Variants in RRP36 observed in about 807,000 individuals in gnomAD.
The protein encoded by RRP36 is ribosomal RNA processing protein 36 homolog.
RRP36 carries 44 observed loss-of-function variants against 39.8 expected under a neutral mutation model. The ratio of observed to expected loss-of-function variants is 1.10; its 90% confidence interval spans 0.87 to 1.42. The LOEUF is 1.42. Among genes scored for constraint, RRP36 ranks in the 40% most tolerant of loss-of-function variants. RRP36 has a pLI of 0.00. For synonymous variants in RRP36, 124 were observed against 123.1 expected, an observed-to-expected ratio of 1.01 and a Z score of -0.05; for missense variants, 316 against 322.4, an observed-to-expected ratio of 0.98 and a Z score of 0.15.
intron 3 of RRP36, among the ~76,000 whole-genome samples, chr6:43,025,758 C>G (rs1351225923): frequency 6.6e-6 from 1 of 151,684 alleles, no homozygotes; most frequent in Non-Finnish European, 1.5e-5. Context: ...AGTGAAACCC[C>G]GTCTCTACTA....
At chr6:43,022,781 G>A (rs1210883073) in intron 1 of RRP36, among the ~76,000 whole-genome samples, 1 of 151,598 alleles carries the variant, frequency 6.6e-6, no homozygotes, top group Non-Finnish European at 1.5e-5. Flanking sequence ...ACAGGCGCCC[G>A]CCACCACGCC....
At chr6:43,025,955 TGAG>T in intron 3 of RRP36, 79 bp from the exon 4 acceptor site, 8 of 1,021,810 alleles carry the variant, frequency 7.8e-6, no homozygotes, top group Non-Finnish European at 1.2e-5. Flanking sequence ...AAAAGAAAGA[TGAG>T]GAAGAGACAG....
chr6:43,021,847 C>G (rs1762719959), intron 1 of RRP36, 63 bp downstream of exon 1: 1 of 1,161,506 alleles, frequency 8.6e-7, no homozygotes, highest in Admixed American at 4.4e-5. Context: ...GGCCCTGAGC[C>G]TGCAGAGACG....
intron 2 of RRP36, 52 bp from the exon 3 acceptor site, chr6:43,025,211 G>A: frequency 6.2e-7 from 1 of 1,612,446 alleles, no homozygotes; most frequent in Non-Finnish European, 8.5e-7. Context: ...CAGGTGGGAA[G>A]CCTTTGACCA....
chr6:43,024,134 G>A (rs1762772135), intron 1 of RRP36, among the ~76,000 whole-genome samples: 2 of 152,124 alleles, frequency 1.3e-5, no homozygotes, highest in Non-Finnish European at 2.9e-5. Flanking sequence ...GATTACAGGC[G>A]TGAGCCACCA....
At chr6:43,026,182 T>C (rs1561863319) in intron 4 of RRP36, 41 bp downstream of exon 4, 2 of 1,479,024 alleles carry the variant, frequency 1.4e-6, no homozygotes, top group African/African-American at 2.8e-5. Flanking sequence ...TTTTGTGGGG[T>C]GGAAAATGAG....
intron 6 of RRP36, 151 bp from the exon 7 acceptor site, chr6:43,028,941 G>A: frequency 9.8e-7 from 1 of 1,022,634 alleles, no homozygotes; most frequent in Non-Finnish European, 1.4e-6. Context: ...TAACAGAGCA[G>A]GACTCCGTCT....
At chr6:43,025,164 T>C (rs1015895558) in intron 2 of RRP36, 32 bp downstream of exon 2, 3 of 1,613,444 alleles carry the variant, frequency 1.9e-6, no homozygotes, top group African/African-American at 2.7e-5. Flanking sequence ...AGTTGGAAGA[T>C]AACTGGGACC....
At chr6:43,024,379 C>T (rs1344187588) in intron 1 of RRP36, among the ~76,000 whole-genome samples, 1 of 152,042 alleles carries the variant, frequency 6.6e-6, no homozygotes, top group Non-Finnish European at 1.5e-5. Flanking sequence ...TGACAGGGGC[C>T]AGGTCACTTG....
chr6:43,027,311 A>T (rs760658458), intron 5 of RRP36, 49 bp from the exon 6 acceptor site: 7 of 1,609,614 alleles, frequency 4.3e-6, no homozygotes, highest in Non-Finnish European at 6.0e-6. Context: ...AGATATTCAC[A>T]GATCTGAACA....
chr6:43,029,128 A>T lies in RRP36; in HGVS notation c.680A>T (p.Lys227Met), dbSNP rs371459242. ...CAGTTGGCACTAGCTGAGAAGTTCA[A>T]GGAGCTGAAACGCAGCAAGAAATTG... ...QRQLALAEKF[K>M]ELKRSKKLEN... The change falls in exon 7 of 7, where the codon AAG becomes ATG. Residue 227 changes from lysine (K) to methionine (M), a missense_variant. Lys to Met is a moderately conservative substitution (Grantham distance 95). Coordinates refer to ENST00000244496, the MANE Select transcript of RRP36 (RefSeq NM_033112.4). The T allele has an allele frequency of 1.2e-6, 2 of 1,614,264 alleles. No homozygotes were observed. Among genetic ancestry groups the T allele is most frequent in the African/African-American group, 2.7e-5 (2 of 75,082 alleles).
chr6:43,027,533 AGAGTC>A, intron 6 of RRP36, 56 bp downstream of exon 6: 2 of 1,436,462 alleles, frequency 1.4e-6, no homozygotes, highest in Non-Finnish European at 1.9e-6. Context: ...CCATGGTGGT[AGAGTC>A]TTGTGTTGGG....
rs199544375 is a variant in RRP36, at chr6:43,021,679, G to A, written c.25G>A (p.Gly9Arg). The A allele has an allele frequency of 2.1e-5, 18 of 869,814 alleles. No homozygotes were observed. Among genetic ancestry groups the A allele is most frequent in the South Asian group, 1.3e-4 (2 of 15,670 alleles). The allele number at this position is 869,814 out of a possible 1,614,324, so 53.9% of individuals were successfully genotyped here. A position where few individuals can be genotyped will look rare whatever the true frequency, so the allele number is the denominator to read the frequency against. MPGANYRA[G>R]AGAGAGARRP... is the part of the protein sequence containing the mutation. ...GATGCCGGGAGCTAACTACCGCGCC[G>A]GGGCCGGGGCCGGGGCCGGGGCCCG... The change falls in exon 1 of 7, where the codon GGG becomes AGG. Residue 9 changes from glycine (G) to arginine (R), a missense_variant. Physicochemically the swap from Gly to Arg is moderately radical, Grantham distance 125. Transcript: ENST00000244496.
Position 43,029,258 on chromosome 6 carries a change from C to G in RRP36, c.*30C>G. Reference sequence around the variant, plus strand: ...GAACTATCCTCTGCTCTGCCACTGCCCCAGGGAGACATGGATCTGTGAGGA... The same window carrying G: ...GAACTATCCTCTGCTCTGCCACTGCGCCAGGGAGACATGGATCTGTGAGGA... On this transcript the variant is annotated 3_prime_UTR_variant, in exon 7 of 7. Coordinates refer to ENST00000244496, the MANE Select transcript of RRP36 (RefSeq NM_033112.4). 6.2e-7 allele frequency: 1 copy of G among 1,609,656 alleles called. No homozygotes were observed.
chr6:43,025,035 G>A lies in RRP36; in HGVS notation c.181G>A (p.Gly61Arg), dbSNP rs1561862738. ...GCTGTTGGAATTGCAGAGCCAAGTG[G>A]GGACTAAGACGTACAAACAATTGGT... ...EELLELQSQV[G>R]TKTYKQLVAG... The change falls in exon 2 of 7, where the codon GGG becomes AGG. Residue 61 changes from glycine (G) to arginine (R), a missense_variant. By Grantham distance (125) the Gly-to-Arg change is moderately radical. Transcript: ENST00000244496. 5.0e-6 allele frequency: 8 copies of A among 1,614,166 alleles called. No homozygotes were observed. The highest frequency in any genetic ancestry group is 5.9e-6 in the Non-Finnish European group (7 of 1,180,038).
rs555648003 is a variant in RRP36 at position 43,021,650 on chromosome 6, A to G, written c.-5A>G. The G allele has an allele frequency of 3.3e-5, 43 of 1,284,110 alleles. No individual in the cohort carries two copies. The African/African-American group carries it at 5.0e-4, about 15-fold the overall frequency. The allele number at this position is 1,284,110 out of a possible 1,614,324, so 79.5% of individuals were successfully genotyped here. On this transcript the variant is annotated 5_prime_UTR_variant, in exon 1 of 7. Coordinates refer to ENST00000244496, the MANE Select transcript of RRP36 (RefSeq NM_033112.4). ...CATTCGTCTTCCGAGCGCTACTGCC[A>G]GCTGATGCCGGGAGCTAACTACCGC...
intron 1 of RRP36, among the ~76,000 whole-genome samples, chr6:43,023,617 G>A (rs1276796940): frequency 6.7e-6 from 1 of 149,754 alleles, no homozygotes; most frequent in African/African-American, 2.5e-5. Context: ...GCTTGAACCT[G>A]GGAGGCGGAG....
chr6:43,022,106 T>C (rs1478832713), intron 1 of RRP36, among the ~76,000 whole-genome samples: 1 of 152,148 alleles, frequency 6.6e-6, no homozygotes, highest in Non-Finnish European at 1.5e-5. Flanking sequence ...GACTTTGTTT[T>C]TTTAATTTTT....
chr6:43,028,772 G>A (rs376975715), intron 6 of RRP36, among the ~76,000 whole-genome samples: 126 of 152,046 alleles, frequency 8.3e-4, no homozygotes, highest in African/African-American at 2.8e-3. Flanking sequence ...CCAACATGGC[G>A]TAACCCTGTT....
Sources: gnomAD v4.1 joint callset for allele counts (sites outside exome capture counted in the v4.1 genomes callset) on GRCh38, gnomAD v4.1.1 for gene constraint, MANE v1.5 for transcripts, NCBI Gene and HGNC (gene_info 2026-07-23, HGNC 2026-07-21) for gene names.